TCF20: variants seen among roughly 807,000 people sequenced by gnomAD.
The protein encoded by TCF20 is transcription factor 20, also known as SPRE-binding protein.
In TCF20, 3 loss-of-function variants were observed where a neutral mutation model predicts 148.6. The observed-to-expected ratio is 0.02, with a 90% confidence interval of 0.01 to 0.05. The LOEUF is 0.05. Among genes scored for constraint, TCF20 ranks in the 10% least tolerant of loss-of-function variants. The pLI, the probability that TCF20 is intolerant of heterozygous loss-of-function variation, is 1.00. For missense variants in TCF20, 2,350 were observed against 2,429.3 expected (o/e 0.97, Z 0.69); for synonymous variants, 1,049 against 909.5 (o/e 1.15, Z -2.76).
intron 1 of TCF20, among the ~76,000 whole-genome samples, chr22:42,232,712 T>TC (rs1444560114): frequency 6.7e-6 from 1 of 149,310 alleles, no homozygotes; most frequent in East Asian, 2.0e-4. Context: ...GCACCTGTGG[T>TC]CCCAGCAACC....
intron 1 of TCF20, among the ~76,000 whole-genome samples, chr22:42,320,014 T>G (rs1927703065): frequency 6.6e-6 from 1 of 152,124 alleles, no homozygotes; most frequent in African/African-American, 2.4e-5. Flanking sequence ...CTCTGCTGTT[T>G]TCCATCTTCC....
At chr22:42,189,405 G>T (rs938013800) in intron 2 of TCF20, among the ~76,000 whole-genome samples, 7 of 152,202 alleles carry the variant, frequency 4.6e-5, no homozygotes, top group Non-Finnish European at 1.0e-4. Flanking sequence ...CTCCTAGAAA[G>T]ATTCCATTTA....
At chr22:42,261,927 G>A (rs1926050747) in intron 1 of TCF20, among the ~76,000 whole-genome samples, 1 of 152,168 alleles carries the variant, frequency 6.6e-6, no homozygotes, top group Non-Finnish European at 1.5e-5. Flanking sequence ...GGAGGCGGAG[G>A]TTGCAGTGAG....
chr22:42,300,812 C>T (rs572222783), intron 1 of TCF20, among the ~76,000 whole-genome samples: 1 of 152,294 alleles, frequency 6.6e-6, no homozygotes, highest in East Asian at 1.9e-4. Flanking sequence ...CCTCCCTATC[C>T]ACTCCTGACA....
rs746733029 is a variant in TCF20 at position 42,215,166 on chromosome 22, C to G, written c.140G>C (p.Ser47Thr). The change falls in exon 2 of 6, where the codon AGT becomes ACT. Residue 47 changes from serine to threonine, a missense_variant. By Grantham distance (58) the Ser-to-Thr change is moderately conservative. This residue lies in a region of TCF20 where 1,641 missense variants were observed against 1,662.6 expected (regional missense o/e 0.99). Transcript: ENST00000677622. ...MFQNFGGTGG[S>T]SGSSGSGSGG... ...ACTGCCACTGCCACTGCTGCCACTACTGCCACCTGTACCTCCAAAATTCTG... is the reference window on the plus strand; with the variant it reads ...ACTGCCACTGCCACTGCTGCCACTAGTGCCACCTGTACCTCCAAAATTCTG... 1 of 1,614,210 alleles carries G rather than the reference C, an allele frequency of 6.2e-7. No individual in the cohort carries two copies. The highest frequency in any genetic ancestry group is 1.7e-5 in the Admixed American group (1 of 60,020).
intron 2 of TCF20, among the ~76,000 whole-genome samples, chr22:42,201,779 A>C (rs1369801861): frequency 1.3e-5 from 2 of 151,986 alleles, no homozygotes; most frequent in African/African-American, 2.4e-5. Context: ...AAAAAAAAAC[A>C]AAACCAAACC....
intron 1 of TCF20, among the ~76,000 whole-genome samples, chr22:42,223,804 G>T (rs868402615): frequency 2.6e-5 from 4 of 152,156 alleles, no homozygotes; most frequent in Non-Finnish European, 5.9e-5. Flanking sequence ...CTTCCTAAGT[G>T]TATCAAGCAT....
In TCF20 at chr22:42,256,940, C is replaced by G. The variant is rs60198933; in HGVS notation, c.-37+13399G>C. Among the ~76,000 whole-genome samples the G allele has an allele frequency of 5.0e-3, 755 of 152,316 alleles. 44 individuals carry two copies. The East Asian group carries it at 0.13, about 27-fold the overall frequency. Reference sequence around the variant, plus strand: ...TTGGAAGGCCTAGGCAAGAAGATTGCTTGAGGCCAGGAGTTCAAAATCAGC... The same window carrying G: ...TTGGAAGGCCTAGGCAAGAAGATTGGTTGAGGCCAGGAGTTCAAAATCAGC... On this transcript the variant is annotated intron_variant, in intron 1 of 5. Coordinates refer to ENST00000677622, the MANE Select transcript of TCF20 (RefSeq NM_001378418.1).
At chr22:42,192,421 C>T (rs1048616275) in intron 2 of TCF20, among the ~76,000 whole-genome samples, 3 of 152,156 alleles carry the variant, frequency 2.0e-5, no homozygotes, top group Admixed American at 6.6e-5. Flanking sequence ...CCCGGAGCCA[C>T]TGCCATCTCA....
Position 42,210,513 on chromosome 22 carries a change from G to A in TCF20, c.4793C>T (p.Thr1598Ile). Residue 1598 changes from threonine (T) to isoleucine (I), a missense_variant, in exon 2 of 6, where the codon ACC (threonine) becomes ATC (isoleucine). Physicochemically the swap from Thr to Ile is moderately conservative, Grantham distance 89. Transcript: ENST00000677622. This position sits in a 1 kb window ranked among gnomAD's most constrained non-coding sequence, Gnocchi z 4.7. The stretch of plus-strand genomic sequence containing the variant: ...TTCCACAATGGGAACTGCTTGTTTG[G>A]TTTTTCGCTTCCTCGGCTGGGCCCC... ...KPGAQPRKRKTKQAVPIVEPQ... is the reference protein window; with the variant it reads ...KPGAQPRKRKIKQAVPIVEPQ... The A allele has an allele frequency of 6.2e-7, 1 of 1,614,168 alleles. No homozygotes were observed. The highest frequency in any genetic ancestry group is 1.1e-5 in the South Asian group (1 of 91,076).
intron 1 of TCF20, among the ~76,000 whole-genome samples, chr22:42,309,697 G>A (rs1401838712): frequency 5.3e-5 from 8 of 152,130 alleles, no homozygotes; most frequent in Non-Finnish European, 1.0e-4. Flanking sequence ...CTTCCTTCCA[G>A]TCTCAGCTCA....
chr22:42,273,651 CAAAAA>C (rs1025812084), upstream of TCF20, among the ~76,000 whole-genome samples: 1 of 151,446 alleles, frequency 6.6e-6, no homozygotes, highest in Non-Finnish European at 1.5e-5. Flanking sequence ...AAAAAACAAA[CAAAAA>C]AACAAAAACA....
chr22:42,282,921 G>A (rs976272558), intron 1 of TCF20, among the ~76,000 whole-genome samples: 18 of 152,308 alleles, frequency 1.2e-4, no homozygotes, highest in African/African-American at 4.3e-4. Context: ...CCCAGCACGG[G>A]CTCCCTCCGT....
intron 2 of TCF20, among the ~76,000 whole-genome samples, chr22:42,184,854 A>G (rs1343867192): frequency 6.6e-6 from 1 of 152,244 alleles, no homozygotes; most frequent in Non-Finnish European, 1.5e-5. Context: ...AATAAATTAT[A>G]AAAGGTATTA....
At chr22:42,182,177 C>T (rs1301344529) in intron 2 of TCF20, among the ~76,000 whole-genome samples, 1 of 152,214 alleles carries the variant, frequency 6.6e-6, no homozygotes, top group African/African-American at 2.4e-5. Context: ...GTTAAGTATG[C>T]ATGCTCTGGA....
At chr22:42,254,982 T>C (rs1462728203) in intron 1 of TCF20, among the ~76,000 whole-genome samples, 1 of 65,098 alleles carries the variant, frequency 1.5e-5, no homozygotes, top group East Asian at 4.7e-4. Flanking sequence ...AAAAAAAAGG[T>C]AGAGGAAAAA....
chr22:42,194,568 T>C (rs1241279892), intron 2 of TCF20, among the ~76,000 whole-genome samples: 6 of 150,914 alleles, frequency 4.0e-5, no homozygotes, highest in Admixed American at 2.6e-4. Context: ...GGCTAAATAC[T>C]AATGACTCTG....
At chr22:42,340,837 A>AAGGGGGAGGGGG (rs1255130672) in intron 1 of TCF20, among the ~76,000 whole-genome samples, 1 of 151,652 alleles carries the variant, frequency 6.6e-6, no homozygotes, top group African/African-American at 2.4e-5. Flanking sequence ...TAAAGAAGGG[A>AAGGGGGAGGGGG]AGGGGGAGGG....
At chr22:42,302,417 A>G (rs1927353734) in intron 1 of TCF20, among the ~76,000 whole-genome samples, 1 of 152,096 alleles carries the variant, frequency 6.6e-6, no homozygotes, top group South Asian at 2.1e-4. Flanking sequence ...GGGGGAGGTG[A>G]GAGGCACGTT....
Sources: gnomAD v4.1 joint callset for allele counts (sites outside exome capture counted in the v4.1 genomes callset) on GRCh38, gnomAD v4.1.1 for gene constraint, gnomAD v4.1.1 regional missense constraint, Gnocchi (gnomAD v3.1) non-coding constraint, MANE v1.5 for transcripts, NCBI Gene and HGNC (gene_info 2026-07-23, HGNC 2026-07-21) for gene names.